PARD3: variants seen among roughly 807,000 people sequenced by gnomAD.
PARD3 encodes the protein partitioning defective 3 homolog.
A neutral mutation model predicts 155.4 loss-of-function variants in PARD3; 75 were observed. That is an observed-to-expected ratio of 0.48 (90% CI 0.40 to 0.58). PARD3 has a LOEUF of 0.58. Among genes scored for constraint, PARD3 ranks in the 20% least tolerant of loss-of-function variants. The pLI, the probability that PARD3 is intolerant of heterozygous loss-of-function variation, is 0.00. For synonymous variants in PARD3, 576 were observed against 610.5 expected (o/e 0.94, Z 0.83); for missense variants, 1,642 against 1,721.7 (o/e 0.95, Z 0.82).
chr10:34,736,907 C>T (rs1052481270), intron 1 of PARD3, among the ~76,000 whole-genome samples: 2 of 151,950 alleles, frequency 1.3e-5, no homozygotes, highest in Non-Finnish European at 2.9e-5. Context: ...GAACTCCTGA[C>T]CTCAAGTGAT....
intron 5 of PARD3, among the ~76,000 whole-genome samples, chr10:34,434,027 T>C (rs2076073881): frequency 6.6e-6 from 1 of 152,184 alleles, no homozygotes; most frequent in Non-Finnish European, 1.5e-5. Flanking sequence ...TAAGACACTA[T>C]TATGTGTGCC....
Position 34,510,993 on chromosome 10 carries a change from G to A in PARD3, c.403+5986C>T, listed in dbSNP as rs775922486. 4.9e-4 allele frequency among the ~76,000 whole-genome samples: 74 copies of A among 152,042 alleles called. 1 individual carries two copies. The highest frequency in any genetic ancestry group is 1.8e-3 in the Admixed American group (27 of 15,270). ...TTTGTATTAAGCCTCATTTAAATCA[G>A]GATTTAAATAAGATCCAGACATTAT... On this transcript the variant is annotated intron_variant, in intron 3 of 24. Coordinates refer to ENST00000374788, the MANE Select transcript of PARD3 (RefSeq NM_001184785.2).
chr10:34,672,124 C>T (rs2093621267), intron 2 of PARD3, among the ~76,000 whole-genome samples: 1 of 152,062 alleles, frequency 6.6e-6, no homozygotes, highest in Non-Finnish European at 1.5e-5. Flanking sequence ...GCCATGATGA[C>T]GCTACTACAC....
intron 1 of PARD3, among the ~76,000 whole-genome samples, chr10:34,714,965 C>A (rs750397412): frequency 1.8e-4 from 27 of 151,578 alleles, no homozygotes; most frequent in Non-Finnish European, 3.8e-4. Flanking sequence ...GTAGAGACGG[C>A]GTCTCACCAT....
At chr10:34,463,429 T>A (rs2077809375) in intron 4 of PARD3, among the ~76,000 whole-genome samples, 1 of 151,450 alleles carries the variant, frequency 6.6e-6, no homozygotes, top group African/African-American at 2.4e-5. Flanking sequence ...TTGAAAGGAA[T>A]GAAGGAACAC....
intron 22 of PARD3, among the ~76,000 whole-genome samples, chr10:34,260,744 G>A (rs1293740661): frequency 1.3e-5 from 2 of 152,146 alleles, no homozygotes; most frequent in Admixed American, 6.5e-5. Flanking sequence ...AAAAGCAGAG[G>A]TAAGTAATAC....
chr10:34,650,926 G>A (rs574334183), intron 2 of PARD3, among the ~76,000 whole-genome samples: 2 of 145,218 alleles, frequency 1.4e-5, no homozygotes, highest in South Asian at 2.2e-4. Flanking sequence ...CAGGAAAATC[G>A]CTTGAACCCA....
chr10:34,359,357 A>G, intron 13 of PARD3, 40 bp from the exon 14 acceptor site: 1 of 1,443,050 alleles, frequency 6.9e-7, no homozygotes, highest in East Asian at 2.3e-5. Flanking sequence ...TATTAAACAG[A>G]CTGCTATAAA....
chr10:34,766,212 G>A (rs1223804786), intron 1 of PARD3, among the ~76,000 whole-genome samples: 4 of 152,272 alleles, frequency 2.6e-5, no homozygotes, highest in Admixed American at 2.6e-4. Context: ...TTTATTACTT[G>A]TATTTTATCA....
intron 2 of PARD3, among the ~76,000 whole-genome samples, chr10:34,645,985 A>G (rs2092825302): frequency 6.6e-6 from 1 of 152,242 alleles, no homozygotes; most frequent in Non-Finnish European, 1.5e-5. Context: ...AGGACAACAC[A>G]GAACCGGGAT....
intron 22 of PARD3, among the ~76,000 whole-genome samples, chr10:34,231,069 G>T (rs1952900084): frequency 6.6e-6 from 1 of 151,804 alleles, no homozygotes; most frequent in Non-Finnish European, 1.5e-5. Flanking sequence ...TACTCCAGTT[G>T]TATCCAAAAG....
chr10:34,473,602 C>CA (rs1029735572), intron 3 of PARD3, among the ~76,000 whole-genome samples: 4 of 152,208 alleles, frequency 2.6e-5, no homozygotes, highest in African/African-American at 7.2e-5. Context: ...GACTTGACTG[C>CA]AGAGGCAGGG....
chr10:34,776,825 T>G (rs1359629841), intron 1 of PARD3, among the ~76,000 whole-genome samples: 1 of 55,336 alleles, frequency 1.8e-5, no homozygotes, highest in Non-Finnish European at 3.8e-5. Context: ...TTTTCAGTCG[T>G]GTTTTTTTGT....
chr10:34,521,087 T>C (rs1162015071), intron 2 of PARD3, among the ~76,000 whole-genome samples: 5 of 152,180 alleles, frequency 3.3e-5, no homozygotes, highest in Non-Finnish European at 7.3e-5. Flanking sequence ...AAACTGAAAA[T>C]GGAGATTGAA....
rs1946878496 is a variant in PARD3, at chr10:34,119,690, C to A, written c.3591G>T (p.Glu1197Asp). ...CCTGCCGCTGCCGCTGCATCTGCAC[C>A]TCCACGGACACCGAGTGTCGCCCGC... ...TQSGRHSVSV[E>D]VQMQRQRQEE... The change falls in exon 24 of 25, where the codon GAG becomes GAT. Residue 1197 changes from glutamate (E) to aspartate (D), a missense_variant. Coordinates refer to ENST00000374788, the MANE Select transcript of PARD3 (RefSeq NM_001184785.2). 1 of 1,613,084 alleles carries A rather than the reference C, an allele frequency of 6.2e-7. No homozygotes were observed. The highest frequency in any genetic ancestry group is 2.2e-5 in the East Asian group (1 of 44,878).
chr10:34,575,274 C>T (rs2086792084), intron 2 of PARD3, among the ~76,000 whole-genome samples: 1 of 152,174 alleles, frequency 6.6e-6, no homozygotes, highest in African/African-American at 2.4e-5. Flanking sequence ...CATGATAATG[C>T]ATTATTCATA....
chr10:34,459,375 G>A (rs1455061290), intron 4 of PARD3, among the ~76,000 whole-genome samples: 1 of 151,766 alleles, frequency 6.6e-6, no homozygotes, highest in African/African-American at 2.4e-5. Flanking sequence ...GTTTCACCGT[G>A]TTAGCCAGGA....
At chr10:34,480,762 A>G (rs2079022461) in intron 3 of PARD3, among the ~76,000 whole-genome samples, 1 of 148,746 alleles carries the variant, frequency 6.7e-6, no homozygotes, top group Non-Finnish European at 1.5e-5. Context: ...CTTTTATTTT[A>G]GCTACAGGGG....
At chr10:34,379,556 T>C (rs1841615173) in intron 9 of PARD3, among the ~76,000 whole-genome samples, 1 of 152,102 alleles carries the variant, frequency 6.6e-6, no homozygotes, top group Non-Finnish European at 1.5e-5. Context: ...ATTACTCTCC[T>C]TTTGCAATAC....
Sources: gnomAD v4.1 joint callset for allele counts (sites outside exome capture counted in the v4.1 genomes callset) on GRCh38, gnomAD v4.1.1 for gene constraint, MANE v1.5 for transcripts, NCBI Gene and HGNC (gene_info 2026-07-23, HGNC 2026-07-21) for gene names.